ALS2: variants seen among roughly 807,000 people sequenced by gnomAD.
The protein encoded by ALS2 is alsin.
Under a neutral mutation model 203.4 loss-of-function variants are expected in ALS2, and 117 were observed. The ratio of observed to expected loss-of-function variants is 0.58; its 90% confidence interval spans 0.50 to 0.67. The LOEUF (loss-of-function observed/expected upper bound fraction) is 0.67. Among genes scored for constraint, ALS2 ranks in the 30% least tolerant of loss-of-function variants. The pLI, the probability that ALS2 is intolerant of heterozygous loss-of-function variation, is 0.00. For synonymous variants in ALS2, 718 were observed against 725.9 expected (o/e 0.99, Z 0.17); for missense variants, 1,715 against 1,989.4 (o/e 0.86, Z 2.62).
At position 201,723,027 on chromosome 2, in the gene ALS2, A is replaced by C; in HGVS notation, c.3702+16T>G. ...GAATTTATTAGGGAGAAAAAAAAAG[A>C]AAGCTAGTTTCCAACCTTTCCACTA... is the stretch of plus-strand genomic sequence containing the variant. On this transcript the variant is annotated intron_variant, in intron 23 of 33. Transcript: ENST00000264276. The C allele has an allele frequency of 6.4e-7, 1 of 1,570,284 alleles. No individual in the cohort carries two copies. Among genetic ancestry groups the C allele is most frequent in the Non-Finnish European group, 8.7e-7 (1 of 1,152,634 alleles).
rs911192249 is a variant in ALS2 at position 201,707,768 on chromosome 2, G to T, written c.4403+101C>A. Reference sequence around the variant, plus strand: ...CCCAACCATATCATTTTAGAAATGAGGAAATAGATCTAGAGAACACACTTT... The same window carrying T: ...CCCAACCATATCATTTTAGAAATGATGAAATAGATCTAGAGAACACACTTT... On this transcript the variant is annotated intron_variant, in intron 28 of 33. Coordinates refer to ENST00000264276, the MANE Select transcript of ALS2 (RefSeq NM_020919.4). 2.7e-6 allele frequency: 4 copies of T among 1,478,982 alleles called. No homozygotes were observed. In the African/African-American group the frequency reaches 4.2e-5, roughly 15 times the overall value. 91.6% of individuals were successfully genotyped at this position (1,478,982 alleles called of 1,614,324 possible).
chr2:201,706,946 C>T lies in ALS2; in HGVS notation c.4480G>A (p.Ala1494Thr), dbSNP rs1689754689. ...TCTTCCTCGCGATCATTATCCAAAG[C>T]ATAAAGCATAAACAGCGGTGGGTAG... ...RLYPPLFMLY[A>T]LDNDREEDIY... Residue 1494 changes from alanine (A) to threonine (T), a missense_variant, in exon 29 of 34, where the codon GCT (alanine) becomes ACT (threonine). Ala to Thr is a moderately conservative substitution (Grantham distance 58). Coordinates refer to ENST00000264276, the MANE Select transcript of ALS2 (RefSeq NM_020919.4). The T allele has an allele frequency of 1.2e-6, 2 of 1,614,054 alleles. No homozygotes were observed.
At position 201,706,919 on chromosome 2, in the gene ALS2, T is replaced by A; in HGVS notation, c.4507A>T (p.Ile1503Phe). Residue 1503 changes from isoleucine (I) to phenylalanine (F), a missense_variant, in exon 29 of 34, where the codon ATT (isoleucine) becomes TTT (phenylalanine). Physicochemically the swap from Ile to Phe is conservative, Grantham distance 21. Transcript: ENST00000264276. ...YALDNDREED[I>F]YWECVLRLNK... is the part of the protein sequence containing the mutation. ...AGTCGAAGGACACATTCCCAGTAAATGTCTTCCTCGCGATCATTATCCAAA... is the reference window on the plus strand; with the variant it reads ...AGTCGAAGGACACATTCCCAGTAAAAGTCTTCCTCGCGATCATTATCCAAA... 6.2e-7 allele frequency: 1 copy of A among 1,614,090 alleles called. No individual in the cohort carries two copies. The highest frequency in any genetic ancestry group is 8.5e-7 in the Non-Finnish European group (1 of 1,179,996).
chr2:201,728,683 T>G (rs757670219), intron 14 of ALS2, 43 bp from the exon 15 acceptor site: 4 of 1,597,792 alleles, frequency 2.5e-6, no homozygotes, highest in Admixed American at 1.7e-5. Context: ...ACAATCAAAA[T>G]TATTTTAACA....
intron 1 of ALS2, among the ~76,000 whole-genome samples, chr2:201,772,675 G>C (rs977994311): frequency 1.3e-5 from 2 of 151,958 alleles, no homozygotes; most frequent in African/African-American, 4.8e-5. Flanking sequence ...TTGAATAAAG[G>C]ACCAGGAATC....
rs1284157710 is a variant in ALS2 at position 201,705,471 on chromosome 2, A to G, written c.4581-10T>C. ...TGCTGGCCAAAATTTCCTATAATGGAATCCATAAATTATTAATATAAGTTG... is the reference window on the plus strand; with the variant it reads ...TGCTGGCCAAAATTTCCTATAATGGGATCCATAAATTATTAATATAAGTTG... On this transcript the variant is annotated splice_polypyrimidine_tract_variant and intron_variant, in intron 29 of 33. Transcript: ENST00000264276. 8.1e-6 allele frequency: 13 copies of G among 1,604,248 alleles called. No homozygotes were observed. The highest frequency in any genetic ancestry group is 1.1e-5 in the Non-Finnish European group (13 of 1,171,282).
At chr2:201,774,487 A>G (rs1275965065) in intron 1 of ALS2, among the ~76,000 whole-genome samples, 4 of 152,188 alleles carry the variant, frequency 2.6e-5, no homozygotes, top group Non-Finnish European at 5.9e-5. Flanking sequence ...CCTGCTATAC[A>G]TTTTTGTAAG....
chr2:201,716,441 G>A (rs1690394345), intron 24 of ALS2, among the ~76,000 whole-genome samples: 2 of 151,870 alleles, frequency 1.3e-5, no homozygotes, highest in African/African-American at 4.8e-5. Context: ...CTACTTGGGA[G>A]GCTGGGGCAG....
At chr2:201,733,557 A>G (rs1691703136) in intron 12 of ALS2, 119 bp from the exon 13 acceptor site, 2 of 864,254 alleles carry the variant, frequency 2.3e-6, no homozygotes, top group African/African-American at 3.4e-5. Flanking sequence ...AGGTGCTGTG[A>G]AAGTAGAAAT....
chr2:201,705,536 G>A (rs1689655186), intron 29 of ALS2, 75 bp from the exon 30 acceptor site: 1 of 1,125,412 alleles, frequency 8.9e-7, no homozygotes, highest in Non-Finnish European at 1.3e-6. Context: ...ATAGTTGACA[G>A]CTATATTGGC....
chr2:201,719,514 A>G (rs555323960), intron 23 of ALS2, among the ~76,000 whole-genome samples: 1 of 152,226 alleles, frequency 6.6e-6, no homozygotes, highest in East Asian at 1.9e-4. Context: ...GCTTGAACCC[A>G]GGAGGTGGAG....
chr2:201,771,776 G>A (rs1694393393), intron 1 of ALS2, among the ~76,000 whole-genome samples: 1 of 152,132 alleles, frequency 6.6e-6, no homozygotes, highest in African/African-American at 2.4e-5. Context: ...AACTTCCTCT[G>A]GGGATATTTC....
Position 201,729,199 on chromosome 2 carries a change from T to TAAA in ALS2, c.2581-19_2581-17dup. The TAAA allele has an allele frequency of 6.2e-7, 1 of 1,604,426 alleles. No individual in the cohort carries two copies. On this transcript the variant is annotated splice_polypyrimidine_tract_variant and intron_variant, in intron 13 of 33. Coordinates refer to ENST00000264276, the MANE Select transcript of ALS2 (RefSeq NM_020919.4). ...CTGGAGATGCCTACAGGGCAAAAATTAAAGAGGAAAAAAAAAAAAAGAACA... is the reference window on the plus strand; with the variant it reads ...CTGGAGATGCCTACAGGGCAAAAATTAAAAAAGAGGAAAAAAAAAAAAAGAACA...
chr2:201,726,438 C>T (rs745762435), intron 19 of ALS2, 46 bp downstream of exon 19: 2 of 1,504,884 alleles, frequency 1.3e-6, no homozygotes, highest in South Asian at 1.1e-5. Flanking sequence ...AATTTACGAC[C>T]TTACCGAACT....
At chr2:201,742,468 G>A (rs538819228) in intron 10 of ALS2, among the ~76,000 whole-genome samples, 4 of 152,248 alleles carry the variant, frequency 2.6e-5, no homozygotes, top group East Asian at 1.9e-4. Context: ...TTCTTTCCAA[G>A]CAATTAGGAA....
chr2:201,738,783 G>C (rs1300601820), intron 11 of ALS2, 48 bp from the exon 12 acceptor site: 1 of 1,487,970 alleles, frequency 6.7e-7, no homozygotes, highest in African/African-American at 1.4e-5. Context: ...ATGTAAATTA[G>C]TTCTTCAGTT....
chr2:201,726,766 T>A lies in ALS2; in HGVS notation c.3080A>T (p.Glu1027Val). 1 of 1,614,072 alleles carries A rather than the reference T, an allele frequency of 6.2e-7. No individual in the cohort carries two copies. Among genetic ancestry groups the A allele is most frequent in the Non-Finnish European group, 8.5e-7 (1 of 1,179,974 alleles). ...YGSGSSVQRQ[E>V]PPISRSAKYT... The stretch of plus-strand genomic sequence containing the variant: ...TTTGGCACTGCGTGAAATGGGTGGT[T>A]CCTGTCTCTGAACACTGCTACCACT... The change falls in exon 18 of 34, where the codon GAA (glutamate) becomes GTA (valine). Residue 1027 changes from glutamate (E) to valine (V), a missense_variant. Transcript: ENST00000264276.
chr2:201,766,910 G>A (rs1361952095), intron 3 of ALS2, among the ~76,000 whole-genome samples: 1 of 148,078 alleles, frequency 6.8e-6, no homozygotes, highest in African/African-American at 2.5e-5. Flanking sequence ...CATGGACACA[G>A]TAAGGGGAAC....
At chr2:201,705,558 C>T in intron 29 of ALS2, 97 bp from the exon 30 acceptor site, 1 of 932,456 alleles carries the variant, frequency 1.1e-6, no homozygotes, top group African/African-American at 1.7e-5. Context: ...TCCTTGTCCC[C>T]ATTAAAAAGA....
Sources: allele counts gnomAD v4.1 joint callset (sites outside exome capture counted in the v4.1 genomes callset), GRCh38; gene constraint gnomAD v4.1.1; transcripts MANE v1.5; gene names NCBI Gene and HGNC (gene_info 2026-07-23, HGNC 2026-07-21).